NSMAF: variants seen among roughly 807,000 people sequenced by gnomAD.
The protein encoded by NSMAF is neutral sphingomyelinase activation associated factor.
In NSMAF, 90 loss-of-function variants were observed where a neutral mutation model predicts 134.9. That is an observed-to-expected ratio of 0.67 (90% CI 0.56 to 0.79). The LOEUF is 0.79. NSMAF is among the 30% of genes least tolerant of loss of function. The pLI, the probability that NSMAF is intolerant of heterozygous loss-of-function variation, is 0.00. For missense variants in NSMAF, 1,010 were observed against 1,119.0 expected (o/e 0.90, Z 1.39); for synonymous variants, 358 against 389.6 (o/e 0.92, Z 0.96).
intron 1 of NSMAF, among the ~76,000 whole-genome samples, chr8:58,652,886 C>G (rs1448308298): frequency 1.3e-5 from 2 of 152,152 alleles, no homozygotes; most frequent in Non-Finnish European, 2.9e-5. Context: ...AGAGGAACTT[C>G]TAAAGGATAT....
At chr8:58,629,218 CT>C (rs1281691875) in intron 6 of NSMAF, among the ~76,000 whole-genome samples, 1 of 152,102 alleles carries the variant, frequency 6.6e-6, no homozygotes, top group Non-Finnish European at 1.5e-5. Context: ...TTTCTTAACT[CT>C]TTTTCATTCT....
intron 1 of NSMAF, among the ~76,000 whole-genome samples, chr8:58,649,647 T>C (rs1259217002): frequency 6.6e-6 from 1 of 152,146 alleles, no homozygotes; most frequent in Non-Finnish European, 1.5e-5. Flanking sequence ...AATAAGTGAG[T>C]TCATGCTCAG....
At chr8:58,619,027 A>G (rs1217274465) in intron 9 of NSMAF, among the ~76,000 whole-genome samples, 1 of 152,156 alleles carries the variant, frequency 6.6e-6, no homozygotes, top group Non-Finnish European at 1.5e-5. Flanking sequence ...TTGAAGTCTA[A>G]ATTGCTACTT....
Position 58,584,017 on chromosome 8 carries a change from A to T in NSMAF, c.*89T>A. On this transcript the variant is annotated 3_prime_UTR_variant, in exon 31 of 31. Coordinates refer to ENST00000038176, the MANE Select transcript of NSMAF (RefSeq NM_003580.4). ...CATGTGGTAAAACTTCTAATTACTA[A>T]CATTGCACATTCACCAGTCCGTTTA... 9.9e-7 allele frequency: 1 copy of T among 1,007,002 alleles called. No individual in the cohort carries two copies. The highest frequency in any genetic ancestry group is 1.8e-5 in the Admixed American group (1 of 55,502). 62.4% of individuals were successfully genotyped at this position (1,007,002 alleles called of 1,614,324 possible).
chr8:58,648,063 AGGTCAGGCTGACAC>A (rs1288371334), intron 1 of NSMAF, among the ~76,000 whole-genome samples: 1 of 152,224 alleles, frequency 6.6e-6, no homozygotes, highest in Non-Finnish European at 1.5e-5. Flanking sequence ...TGGACAGTGA[AGGTCAGGCTGACAC>A]GGTCTCAGAT....
intron 29 of NSMAF, 29 bp from the exon 30 acceptor site, chr8:58,585,790 T>C: frequency 3.2e-6 from 5 of 1,585,822 alleles, no homozygotes; most frequent in African/African-American, 1.3e-5. Context: ...AATAGTCCTT[T>C]CTTCATCATG....
At chr8:58,600,181 A>C in intron 16 of NSMAF, 160 bp from the exon 17 acceptor site, 1 of 619,770 alleles carries the variant, frequency 1.6e-6, no homozygotes, top group Non-Finnish European at 2.8e-6. Context: ...ACTTTAACAA[A>C]AGGGAACACT....
chr8:58,628,372 TAC>T (rs925171645), intron 6 of NSMAF, among the ~76,000 whole-genome samples: 1 of 152,198 alleles, frequency 6.6e-6, no homozygotes, highest in African/African-American at 2.4e-5. Flanking sequence ...TAAAACATCT[TAC>T]AGTTATAATA....
At chr8:58,614,911 A>G (rs552863372) in intron 9 of NSMAF, among the ~76,000 whole-genome samples, 2 of 152,264 alleles carry the variant, frequency 1.3e-5, no homozygotes, top group East Asian at 3.9e-4. Flanking sequence ...AGATTGTCAG[A>G]ATGCATAAAA....
intron 6 of NSMAF, among the ~76,000 whole-genome samples, chr8:58,627,759 G>A (rs775219722): frequency 1.3e-5 from 2 of 152,150 alleles, no homozygotes; most frequent in Non-Finnish European, 2.9e-5. Flanking sequence ...TGGATGGGTA[G>A]AATCAATATT....
At chr8:58,655,059 G>C (rs1192934818) in intron 1 of NSMAF, among the ~76,000 whole-genome samples, 2 of 151,572 alleles carry the variant, frequency 1.3e-5, no homozygotes, top group African/African-American at 4.9e-5. Context: ...GGCTGGTCTC[G>C]AACTCCTGAC....
intron 26 of NSMAF, chr8:58,588,334 C>CT (rs60214509): frequency 0.045 from 29,322 of 648,394 alleles, 1 homozygote; most frequent in South Asian, 0.057. Flanking sequence ...TTGACATTTT[C>CT]TTTTTTTTTT....
chr8:58,659,127 C>G, intron 1 of NSMAF: 1 of 1,303,424 alleles, frequency 7.7e-7, no homozygotes, highest in Non-Finnish European at 9.9e-7. Flanking sequence ...GCGGCGCCGG[C>G]GCCGAGTGCC....
At position 58,583,961 on chromosome 8, in the gene NSMAF, T is replaced by C. The variant is rs1487133296; in HGVS notation, c.*145A>G. ...CTAATGGCTTTCAATGAAGTCACCA[T>C]GATTTAGAAAGTTTAAAACCACAAA... On this transcript the variant is annotated 3_prime_UTR_variant, in exon 31 of 31. Coordinates refer to ENST00000038176, the MANE Select transcript of NSMAF (RefSeq NM_003580.4). 4.5e-6 allele frequency: 3 copies of C among 673,522 alleles called. No homozygotes were observed. The highest frequency in any genetic ancestry group is 3.6e-5 in the African/African-American group (2 of 55,230). The allele number at this position is 673,522 out of a possible 1,614,324, so 41.7% of individuals were successfully genotyped here. A position where few individuals can be genotyped will look rare whatever the true frequency, so the allele number is the denominator to read the frequency against.
chr8:58,644,625 A>C lies in NSMAF; in HGVS notation c.60-1552T>G, dbSNP rs571141932. Among the ~76,000 whole-genome samples the C allele has an allele frequency of 9.8e-5, 15 of 152,382 alleles. No individual in the cohort carries two copies. The South Asian group carries it at 3.1e-3, about 32-fold the overall frequency. On this transcript the variant is annotated intron_variant, in intron 1 of 30. Coordinates refer to ENST00000038176, the MANE Select transcript of NSMAF (RefSeq NM_003580.4). ...CCATCCCATTACTGGGTATATACCC[A>C]AAGGATTATAAATCATTCTGCTACA... is the stretch of plus-strand genomic sequence containing the variant.
chr8:58,585,674 A>T lies in NSMAF; in HGVS notation c.2637T>A (p.Ser879Arg). The change falls in exon 30 of 31, where the codon AGT becomes AGA. Residue 879 changes from serine (S) to arginine (R), a missense_variant. Ser to Arg is a moderately radical substitution (Grantham distance 110). Coordinates refer to ENST00000038176, the MANE Select transcript of NSMAF (RefSeq NM_003580.4). ...LVWDLLGAKI[S>R]ERIQGHTGAV... ...TACCTGTGTGGCCCTGTATTCTCTC[A>T]CTGATTTTTGCTCCAAGGAGGTCCC... 1 of 1,613,888 alleles carries T rather than the reference A, an allele frequency of 6.2e-7. No homozygotes were observed. Among genetic ancestry groups the T allele is most frequent in the Non-Finnish European group, 8.5e-7 (1 of 1,179,804 alleles).
At chr8:58,590,364 A>C (rs941997946) in intron 24 of NSMAF, among the ~76,000 whole-genome samples, 4 of 152,252 alleles carry the variant, frequency 2.6e-5, no homozygotes, top group Admixed American at 2.0e-4. Flanking sequence ...GTAAATCTCC[A>C]GTTGGGGGCA....
chr8:58,635,641 A>T, intron 2 of NSMAF, 95 bp from the exon 3 acceptor site: 1 of 734,514 alleles, frequency 1.4e-6, no homozygotes. Context: ...TTACTAAAGC[A>T]TCACATAATA....
intron 2 of NSMAF, among the ~76,000 whole-genome samples, chr8:58,639,198 C>T (rs138228792): frequency 1.4e-3 from 214 of 152,008 alleles, no homozygotes; most frequent in African/African-American, 5.0e-3. Flanking sequence ...GCAGGAGAAT[C>T]GCTTGAACCC....
Sources: gnomAD v4.1 joint callset for allele counts (sites outside exome capture counted in the v4.1 genomes callset) on GRCh38, gnomAD v4.1.1 for gene constraint, MANE v1.5 for transcripts, NCBI Gene and HGNC (gene_info 2026-07-23, HGNC 2026-07-21) for gene names.